NRXN3: variants seen among roughly 807,000 people sequenced by gnomAD.
NRXN3 encodes the protein neurexin III.
Under a neutral mutation model 137.6 loss-of-function variants are expected in NRXN3, and 32 were observed. The ratio of observed to expected loss-of-function variants is 0.23; its 90% CI spans 0.18 to 0.31. NRXN3 has a LOEUF of 0.31. Ranked by LOEUF, NRXN3 falls within the 10% of genes least tolerant of loss-of-function variation. The probability of loss-of-function intolerance (pLI) is 1.00; values close to 1 mark genes in which losing one functional copy is unlikely to be tolerated. For missense variants in NRXN3, 1,574 were observed against 2,062.5 expected, an observed-to-expected ratio of 0.76 and a Z score of 4.59; for synonymous variants, 798 against 784.5, an observed-to-expected ratio of 1.02 and a Z score of -0.29.
At chr14:79,516,484 T>A (rs2096985973) in intron 16 of NRXN3, among the ~76,000 whole-genome samples, 1 of 152,232 alleles carries the variant, frequency 6.6e-6, no homozygotes, top group African/African-American at 2.4e-5. Context: ...TGTGTTTTCA[T>A]CTGGGGAATG....
chr14:79,531,813 ATC>A (rs2097172100), intron 16 of NRXN3, among the ~76,000 whole-genome samples: 2 of 152,174 alleles, frequency 1.3e-5, no homozygotes, highest in South Asian at 4.1e-4. Context: ...CACCTGTTGA[ATC>A]TCTGTTGGCT....
intron 4 of NRXN3, among the ~76,000 whole-genome samples, chr14:78,350,827 G>A (rs1163876043): frequency 6.6e-6 from 1 of 152,020 alleles, no homozygotes; most frequent in East Asian, 1.9e-4. Context: ...CAATGTGAGA[G>A]CATTATATGC....
chr14:78,557,507 C>T (rs1451090183), intron 4 of NRXN3, among the ~76,000 whole-genome samples: 2 of 152,174 alleles, frequency 1.3e-5, no homozygotes, highest in African/African-American at 2.4e-5. Flanking sequence ...AGTGTGTCAT[C>T]CATAAAATGG....
chr14:78,611,182 T>C (rs1414725029), intron 4 of NRXN3, among the ~76,000 whole-genome samples: 1 of 152,138 alleles, frequency 6.6e-6, no homozygotes, highest in Non-Finnish European at 1.5e-5. Flanking sequence ...TAATATCGAC[T>C]CTGGCACTGA....
intron 20 of NRXN3, chr14:79,854,275 AT>A (rs1392108570): frequency 5.1e-6 from 2 of 388,724 alleles, no homozygotes; most frequent in African/African-American, 4.4e-5. Context: ...TTTTGCCTAT[AT>A]GGAAATGATT....
chr14:78,591,079 T>G (rs1333966627), intron 4 of NRXN3, among the ~76,000 whole-genome samples: 1 of 152,164 alleles, frequency 6.6e-6, no homozygotes, highest in Admixed American at 6.5e-5. Context: ...CATGCCTTGG[T>G]GTTACTGGTC....
intron 4 of NRXN3, among the ~76,000 whole-genome samples, chr14:78,415,852 A>G (rs539001522): frequency 6.6e-6 from 1 of 151,688 alleles, no homozygotes; most frequent in Non-Finnish European, 1.5e-5. Context: ...GGGAGGACAA[A>G]TCCAGAAACA....
intron 16 of NRXN3, among the ~76,000 whole-genome samples, chr14:79,498,072 G>A (rs1298876609): frequency 1.3e-5 from 2 of 151,970 alleles, no homozygotes; most frequent in African/African-American, 2.4e-5. Context: ...AAACCAGGAA[G>A]AACATATTCC....
chr14:78,997,176 C>T (rs899923899), intron 15 of NRXN3, among the ~76,000 whole-genome samples: 1 of 152,160 alleles, frequency 6.6e-6, no homozygotes, highest in Non-Finnish European at 1.5e-5. Context: ...ACATTGGTTT[C>T]TACAAACCCC....
intron 10 of NRXN3, among the ~76,000 whole-genome samples, chr14:78,890,378 T>C (rs2099155598): frequency 6.6e-6 from 1 of 151,940 alleles, no homozygotes; most frequent in African/African-American, 2.4e-5. Context: ...GTCAGTTATG[T>C]TTATAATAAT....
intron 3 of NRXN3, among the ~76,000 whole-genome samples, chr14:78,286,294 C>A (rs1055523627): frequency 6.6e-6 from 1 of 152,162 alleles, no homozygotes; most frequent in African/African-American, 2.4e-5. Context: ...CTGTGATATG[C>A]AGAAGAGCCT....
chr14:78,323,819 G>C (rs2079701864), intron 4 of NRXN3, among the ~76,000 whole-genome samples: 1 of 152,042 alleles, frequency 6.6e-6, no homozygotes, highest in South Asian at 2.1e-4. Flanking sequence ...CTGATGGTCA[G>C]ATATCAGGTT....
chr14:79,513,713 G>A (rs2096955043), intron 16 of NRXN3, among the ~76,000 whole-genome samples: 1 of 152,092 alleles, frequency 6.6e-6, no homozygotes, highest in Admixed American at 6.6e-5. Context: ...TCAGAGCAAG[G>A]ATGTGAATCT....
At chr14:79,457,434 G>A (rs1170231620) in intron 15 of NRXN3, among the ~76,000 whole-genome samples, 1 of 152,172 alleles carries the variant, frequency 6.6e-6, no homozygotes, top group Non-Finnish European at 1.5e-5. Context: ...AGGTAGAAGT[G>A]TTGTCGCCTT....
chr14:78,515,373 A>G (rs1289588433), intron 4 of NRXN3, among the ~76,000 whole-genome samples: 2 of 152,088 alleles, frequency 1.3e-5, no homozygotes, highest in African/African-American at 4.8e-5. Flanking sequence ...GGTGGGAGTT[A>G]AAGCGTTAAG....
In NRXN3 at chr14:78,476,159, G is replaced by A. The variant is rs79076203; in HGVS notation, c.758-168961G>A. On this transcript the variant is annotated intron_variant, in intron 4 of 20. Transcript: ENST00000335750. ...TATGTGTCACACAGTATTGGGCAAT[G>A]GAGATACAGTGATAAGACAAGTTTT... Among the ~76,000 whole-genome samples the A allele has an allele frequency of 5.1e-3, 777 of 152,310 alleles. 31 individuals carry two copies. The East Asian group carries it at 0.08, about 16-fold the overall frequency.
chr14:79,780,677 A>G (rs776844169), intron 19 of NRXN3, among the ~76,000 whole-genome samples: 1 of 152,320 alleles, frequency 6.6e-6, no homozygotes, highest in Middle Eastern at 3.4e-3. Context: ...AATTTAGAAT[A>G]CTTAAAAGAT....
At chr14:79,524,229 G>C (rs2097097355) in intron 16 of NRXN3, among the ~76,000 whole-genome samples, 2 of 152,184 alleles carry the variant, frequency 1.3e-5, no homozygotes, top group African/African-American at 4.8e-5. Flanking sequence ...AGGAACTAGA[G>C]GGGGGATAAC....
At chr14:79,622,362 GT>G (rs2098233606) in intron 16 of NRXN3, among the ~76,000 whole-genome samples, 1 of 152,126 alleles carries the variant, frequency 6.6e-6, no homozygotes, top group Non-Finnish European at 1.5e-5. Context: ...AACTTCATAG[GT>G]GGTTTATATA....
Sources: allele counts gnomAD v4.1 joint callset (sites outside exome capture counted in the v4.1 genomes callset), GRCh38; gene constraint gnomAD v4.1.1; transcripts MANE v1.5; gene names NCBI Gene and HGNC (gene_info 2026-07-23, HGNC 2026-07-21).